The following SLC1A3 variants were observed in gnomAD, a reference collection of about 807,000 sequenced individuals.
The protein encoded by SLC1A3 is excitatory amino acid transporter 1.
A neutral mutation model predicts 48.1 loss-of-function variants in SLC1A3; 21 were observed. The observed-to-expected ratio is 0.44, with a 90% CI of 0.31 to 0.63. The LOEUF is 0.63. Among genes scored for constraint, SLC1A3 ranks in the 20% least tolerant of loss-of-function variants. SLC1A3 has a pLI of 0.08. For missense variants in SLC1A3, 546 were observed against 689.0 expected (o/e 0.79, Z 2.32); for synonymous variants, 239 against 251.4 (o/e 0.95, Z 0.47).
At position 36,625,479 on chromosome 5, in the gene SLC1A3, A is replaced by T. The variant is rs897065624; in HGVS notation, c.182-3971A>T. Among the ~76,000 whole-genome samples the T allele has an allele frequency of 9.9e-5, 15 of 152,174 alleles. 1 individual carries two copies. In the East Asian group the frequency reaches 1.7e-3, roughly 18 times the overall value. On this transcript the variant is annotated intron_variant, in intron 2 of 9. Transcript: ENST00000265113. ...CTCAAAAAAATAAAAAGAAAATAAAATAGATACAATAATATCTACCTCATA... is the reference window on the plus strand; with the variant it reads ...CTCAAAAAAATAAAAAGAAAATAAATTAGATACAATAATATCTACCTCATA...
intron 2 of SLC1A3, among the ~76,000 whole-genome samples, chr5:36,615,452 A>T (rs755759223): frequency 9.9e-5 from 15 of 152,116 alleles, no homozygotes; most frequent in Non-Finnish European, 1.0e-4. Flanking sequence ...TTCCTAGATA[A>T]CCCATTCTGG....
chr5:36,671,271 C>A, intron 4 of SLC1A3, 38 bp downstream of exon 4: 2 of 1,464,986 alleles, frequency 1.4e-6, no homozygotes, highest in South Asian at 1.2e-5. Context: ...GGTGTATTTT[C>A]GCCATCCAGA....
At chr5:36,609,864 G>A (rs1199854264) in intron 2 of SLC1A3, among the ~76,000 whole-genome samples, 1 of 152,148 alleles carries the variant, frequency 6.6e-6, no homozygotes, top group Non-Finnish European at 1.5e-5. Context: ...GGAAGTCAAT[G>A]CAAAATACAG....
In SLC1A3 at chr5:36,680,334, C is replaced by A. The variant is rs776722363; in HGVS notation, c.1095-61C>A. 3.5e-6 allele frequency: 5 copies of A among 1,412,356 alleles called. No homozygotes were observed. The African/African-American group carries it at 4.2e-5, about 12-fold the overall frequency. The allele number at this position is 1,412,356 out of a possible 1,614,324, so 87.5% of individuals were successfully genotyped here. ...GGAACTGTCTGTCCCAAAGACCAAACGCACAGACAGTCAGAACTACCAGGA... is the reference window on the plus strand; with the variant it reads ...GGAACTGTCTGTCCCAAAGACCAAAAGCACAGACAGTCAGAACTACCAGGA... On this transcript the variant is annotated intron_variant, in intron 7 of 9. Transcript: ENST00000265113.
chr5:36,671,048 TAAGGCATCAGGG>T lies in SLC1A3; in HGVS notation c.343_354del (p.Ala115_Lys118del). 2.5e-6 allele frequency: 4 copies of T among 1,613,960 alleles called. No homozygotes were observed. Among genetic ancestry groups the T allele is most frequent in the Non-Finnish European group, 3.4e-6 (4 of 1,179,888 alleles). On this transcript the variant is annotated inframe_deletion, in exon 4 of 10. Coordinates refer to ENST00000265113, the MANE Select transcript of SLC1A3 (RefSeq NM_004172.5). ...CACCAGGAATGGCGGCGCTAGATAG[TAAGGCATCAGGG>T]AAGATGGGAATGCGAGCTGTAGTCT...
At chr5:36,647,108 C>A (rs926254657) in intron 3 of SLC1A3, among the ~76,000 whole-genome samples, 2 of 152,156 alleles carry the variant, frequency 1.3e-5, no homozygotes, top group African/African-American at 4.8e-5. Flanking sequence ...AAATATAGGT[C>A]TCATATGACA....
intron 1 of SLC1A3, chr5:36,608,128 T>C (rs1275988549): frequency 2.9e-6 from 1 of 342,050 alleles, no homozygotes; most frequent in Non-Finnish European, 5.4e-6. Context: ...GAAAATAGAA[T>C]ATATTCCGAA....
At chr5:36,608,649 C>T in intron 2 of SLC1A3, 45 bp downstream of exon 2, 1 of 1,606,950 alleles carries the variant, frequency 6.2e-7, no homozygotes, top group East Asian at 2.2e-5. Context: ...TCTTGTTTCT[C>T]TGGGGCATCT....
At chr5:36,684,338 TG>T (rs1407361646) in intron 9 of SLC1A3, among the ~76,000 whole-genome samples, 1 of 152,232 alleles carries the variant, frequency 6.6e-6, no homozygotes. Flanking sequence ...CCACAGCAGC[TG>T]GAACAAAGCT....
chr5:36,660,612 A>G (rs984596524), intron 3 of SLC1A3, among the ~76,000 whole-genome samples: 1 of 152,234 alleles, frequency 6.6e-6, no homozygotes, highest in East Asian at 1.9e-4. Flanking sequence ...GTAACCAGAA[A>G]CAGGGAAGCC....
At chr5:36,632,379 G>C (rs1740168355) in intron 3 of SLC1A3, among the ~76,000 whole-genome samples, 1 of 152,210 alleles carries the variant, frequency 6.6e-6, no homozygotes. Flanking sequence ...ACTCAGGTTT[G>C]AATGTCAGAA....
intron 3 of SLC1A3, chr5:36,669,119 C>T (rs2111920231): frequency 6.6e-6 from 1 of 152,288 alleles, no homozygotes; most frequent in Admixed American, 6.5e-5. Context: ...TTACACTACT[C>T]GCCGGTTCCA....
At chr5:36,685,856 T>C (rs1487902322) in intron 9 of SLC1A3, among the ~76,000 whole-genome samples, 1 of 152,246 alleles carries the variant, frequency 6.6e-6, no homozygotes, top group Non-Finnish European at 1.5e-5. Flanking sequence ...TCAGTCAAAC[T>C]AATAACTGAA....
intron 9 of SLC1A3, among the ~76,000 whole-genome samples, chr5:36,684,553 C>A (rs796710646): frequency 2.0e-5 from 3 of 152,316 alleles, no homozygotes; most frequent in African/African-American, 7.2e-5. Flanking sequence ...CTAACCTCTA[C>A]AGGCCCATCC....
chr5:36,621,031 G>A (rs1739643566), intron 2 of SLC1A3, among the ~76,000 whole-genome samples: 2 of 151,948 alleles, frequency 1.3e-5, no homozygotes, highest in South Asian at 4.2e-4. Context: ...TCAGCCTCCT[G>A]AGTAGCTGGG....
At chr5:36,626,544 T>C (rs1739911876) in intron 2 of SLC1A3, among the ~76,000 whole-genome samples, 1 of 152,232 alleles carries the variant, frequency 6.6e-6, no homozygotes, top group Admixed American at 6.5e-5. Context: ...AAATTCCAGA[T>C]GACCAAAATG....
intron 3 of SLC1A3, among the ~76,000 whole-genome samples, chr5:36,651,146 A>ATT (rs1561265400): frequency 1.3e-4 from 6 of 45,950 alleles, no homozygotes; most frequent in Non-Finnish European, 3.1e-4. Context: ...TTTTTTAAAA[A>ATT]AAAAAAAAAA....
At chr5:36,680,133 G>A (rs1383261965) in intron 7 of SLC1A3, among the ~76,000 whole-genome samples, 1 of 152,188 alleles carries the variant, frequency 6.6e-6, no homozygotes, top group Non-Finnish European at 1.5e-5. Flanking sequence ...GAGGCAGAGT[G>A]ACTTGGCACA....
At chr5:36,597,183 T>C in intron 1 of SLC1A3, among the ~76,000 whole-genome samples, 1 of 148,184 alleles carries the variant, frequency 6.7e-6, no homozygotes, top group East Asian at 2.1e-4. Flanking sequence ...TGCATTAATA[T>C]AAACCTATTT....
Sources: gnomAD v4.1 joint callset for allele counts (sites outside exome capture counted in the v4.1 genomes callset) on GRCh38, gnomAD v4.1.1 for gene constraint, MANE v1.5 for transcripts, NCBI Gene and HGNC (gene_info 2026-07-23, HGNC 2026-07-21) for gene names.